The following NLGN1 variants were observed in gnomAD, a reference collection of about 807,000 sequenced individuals.
The protein encoded by NLGN1 is neuroligin-1.
NLGN1 carries 12 observed loss-of-function variants against 65.5 expected under a neutral mutation model. The observed-to-expected ratio is 0.18, with a 90% CI of 0.12 to 0.30. The LOEUF is 0.30. Ranked by LOEUF, NLGN1 falls within the 10% of genes least tolerant of loss-of-function variation. The pLI is 1.00. For missense variants in NLGN1, 750 were observed against 1,007.1 expected, an observed-to-expected ratio of 0.74 and a Z score of 3.46; for synonymous variants, 350 against 359.5, an observed-to-expected ratio of 0.97 and a Z score of 0.30.
intron 3 of NLGN1, among the ~76,000 whole-genome samples, chr3:173,689,841 A>G (rs1168549396): frequency 2.0e-5 from 3 of 152,198 alleles, no homozygotes; most frequent in African/African-American, 7.2e-5. Flanking sequence ...TAAACTAGAA[A>G]TAGGGGATGC....
rs545520378 is a variant in NLGN1 at position 173,712,523 on chromosome 3, C to G, written c.494-95157C>G. Reference sequence around the variant, plus strand: ...CTCTGCCACTGACTACCTGTGTGCTCCCTAACAAGTTATTCTACCTTTTTG... The same window carrying G: ...CTCTGCCACTGACTACCTGTGTGCTGCCTAACAAGTTATTCTACCTTTTTG... On this transcript the variant is annotated intron_variant, in intron 3 of 6. Coordinates refer to ENST00000457714, the Ensembl canonical transcript of NLGN1. Among the ~76,000 whole-genome samples the G allele has an allele frequency of 7.2e-5, 11 of 152,228 alleles. No individual in the cohort carries two copies. In the South Asian group the frequency reaches 2.1e-3, roughly 29 times the overall value.
At chr3:173,690,607 G>C (rs568686160) in intron 3 of NLGN1, among the ~76,000 whole-genome samples, 213 of 152,262 alleles carry the variant, frequency 1.4e-3, no homozygotes, top group African/African-American at 5.0e-3. Flanking sequence ...ATTATGTAAT[G>C]AAAGTCCATG....
chr3:174,020,791 C>G (rs962564671), intron 4 of NLGN1, among the ~76,000 whole-genome samples: 2 of 151,850 alleles, frequency 1.3e-5, no homozygotes, highest in African/African-American at 4.8e-5. Flanking sequence ...ATGGGAGAGA[C>G]GGGTAAAATA....
intron 3 of NLGN1, among the ~76,000 whole-genome samples, chr3:173,634,918 G>A (rs1213270810): frequency 6.6e-6 from 1 of 152,078 alleles, no homozygotes; most frequent in Non-Finnish European, 1.5e-5. Context: ...CTCTAAGTAG[G>A]CGTGTAACAG....
At chr3:174,183,312 T>G (rs1425602983) in intron 4 of NLGN1, among the ~76,000 whole-genome samples, 1 of 152,154 alleles carries the variant, frequency 6.6e-6, no homozygotes, top group Non-Finnish European at 1.5e-5. Context: ...TGAGTTCTAT[T>G]TATCTCTACT....
intron 2 of NLGN1, among the ~76,000 whole-genome samples, chr3:173,560,942 A>G (rs1057402484): frequency 1.3e-5 from 2 of 152,226 alleles, no homozygotes; most frequent in South Asian, 2.1e-4. Flanking sequence ...AGAAGATCAT[A>G]TATTACTATG....
chr3:173,862,338 T>C (rs1490412147), intron 4 of NLGN1, among the ~76,000 whole-genome samples: 2 of 150,196 alleles, frequency 1.3e-5, no homozygotes, highest in African/African-American at 2.4e-5. Flanking sequence ...AACCCCGTCT[T>C]TACTAAAAAT....
intron 3 of NLGN1, among the ~76,000 whole-genome samples, chr3:173,641,440 G>A (rs377380384): frequency 5.9e-5 from 9 of 152,214 alleles, no homozygotes; most frequent in African/African-American, 1.9e-4. Context: ...GATTACAGGC[G>A]TGTGTGCCAC....
At chr3:174,160,102 A>T (rs1392075229) in intron 4 of NLGN1, among the ~76,000 whole-genome samples, 1 of 151,998 alleles carries the variant, frequency 6.6e-6, no homozygotes, top group Middle Eastern at 3.4e-3. Context: ...ACACAAACAC[A>T]TACACACACA....
intron 4 of NLGN1, among the ~76,000 whole-genome samples, chr3:174,264,197 G>A (rs1233472016): frequency 1.3e-5 from 2 of 150,180 alleles, no homozygotes; most frequent in South Asian, 2.1e-4. Flanking sequence ...TCTTTGTGGC[G>A]TTCTCTGTAT....
intron 2 of NLGN1, among the ~76,000 whole-genome samples, chr3:173,594,911 C>T (rs1254409286): frequency 6.6e-6 from 1 of 152,184 alleles, no homozygotes; most frequent in Non-Finnish European, 1.5e-5. Context: ...TTAGTCACGG[C>T]TGGAGCAGCT....
chr3:173,535,297 T>A (rs1737249699), intron 2 of NLGN1, among the ~76,000 whole-genome samples: 1 of 152,226 alleles, frequency 6.6e-6, no homozygotes, highest in South Asian at 2.1e-4. Flanking sequence ...AAAAACTGTT[T>A]GCTCAAGGAA....
In NLGN1 at chr3:173,665,076, T is replaced by A. The variant is rs192527373; in HGVS notation, c.493+59985T>A. ...TACAAGAAATACATCTTGCTTCATT[T>A]GTCAAAAAAAGGTGGTTGATATGGT... On this transcript the variant is annotated intron_variant, in intron 3 of 6. Transcript: ENST00000457714. 2.9e-3 allele frequency among the ~76,000 whole-genome samples: 445 copies of A among 152,234 alleles called. 1 individual carries two copies. Among genetic ancestry groups the A allele is most frequent in the Non-Finnish European group, 4.6e-3 (315 of 67,986 alleles).
chr3:173,658,343 T>C (rs1201698278), intron 3 of NLGN1, among the ~76,000 whole-genome samples: 1 of 151,966 alleles, frequency 6.6e-6, no homozygotes, highest in Non-Finnish European at 1.5e-5. Context: ...TTAATTGCTT[T>C]ACAGGAGAGA....
At chr3:173,912,178 T>C (rs1739756769) in intron 4 of NLGN1, among the ~76,000 whole-genome samples, 1 of 152,158 alleles carries the variant, frequency 6.6e-6, no homozygotes, top group African/African-American at 2.4e-5. Context: ...AGACAATAAG[T>C]ATTCACTTTA....
At position 173,913,205 on chromosome 3, in the gene NLGN1, G is replaced by T. The variant is rs564224583; in HGVS notation, c.646+105373G>T. Among the ~76,000 whole-genome samples the T allele has an allele frequency of 2.0e-5, 3 of 152,226 alleles. No homozygotes were observed. In the South Asian group the frequency reaches 6.2e-4, roughly 32 times the overall value. On this transcript the variant is annotated intron_variant, in intron 4 of 6. Coordinates refer to ENST00000457714, the Ensembl canonical transcript of NLGN1. ...CATTTATAAGAAAGAATCCATGTGT[G>T]GAAGGATTCTAAATTACACACCAAA...
At chr3:173,691,693 T>C (rs1350380634) in intron 3 of NLGN1, among the ~76,000 whole-genome samples, 5 of 152,074 alleles carry the variant, frequency 3.3e-5, no homozygotes, top group Non-Finnish European at 7.4e-5. Flanking sequence ...AGGGCTTGCA[T>C]CACGTTTTTT....
intron 4 of NLGN1, among the ~76,000 whole-genome samples, chr3:173,955,232 G>T (rs1711701970): frequency 6.6e-6 from 1 of 152,150 alleles, no homozygotes; most frequent in Non-Finnish European, 1.5e-5. Context: ...CATAGGCCGT[G>T]CAAAAATAAG....
At chr3:173,451,163 G>C (rs1484615409) in intron 2 of NLGN1, among the ~76,000 whole-genome samples, 2 of 152,076 alleles carry the variant, frequency 1.3e-5, no homozygotes, top group Non-Finnish European at 2.9e-5. Flanking sequence ...CAGTTTTTCT[G>C]CTCTGTTTTT....
Sources: allele counts gnomAD v4.1 joint callset (sites outside exome capture counted in the v4.1 genomes callset), GRCh38; gene constraint gnomAD v4.1.1; transcripts MANE v1.5; gene names NCBI Gene and HGNC (gene_info 2026-07-23, HGNC 2026-07-21).